GABRD: variants seen among roughly 807,000 people sequenced by gnomAD.
GABRD encodes gamma-aminobutyric acid type A receptor subunit delta, also known as gamma-aminobutyric acid receptor subunit delta.
A neutral mutation model predicts 47.3 loss-of-function variants in GABRD; 25 were observed. That is an observed-to-expected ratio of 0.53 (90% CI 0.39 to 0.74). GABRD has a LOEUF of 0.74. Among genes scored for constraint, GABRD ranks in the 30% least tolerant of loss-of-function variants. The probability of loss-of-function intolerance (pLI) is 0.00; values close to 1 mark genes in which losing one functional copy is unlikely to be tolerated. For synonymous variants in GABRD, 314 were observed against 278.8 expected, an observed-to-expected ratio of 1.13 and a Z score of -1.26; for missense variants, 497 against 643.4, an observed-to-expected ratio of 0.77 and a Z score of 2.46.
chr1:2,029,972 C>A lies in GABRD; in HGVS notation c.1060-11C>A. ...TGCTCAGCCCTGTCTCCCCCACCGGCCTTCGTGCAGATGGACGTGAGGAAC... is the reference window on the plus strand; with the variant it reads ...TGCTCAGCCCTGTCTCCCCCACCGGACTTCGTGCAGATGGACGTGAGGAAC... On this transcript the variant is annotated splice_polypyrimidine_tract_variant and intron_variant, in intron 8 of 8. Transcript: ENST00000378585. 6.2e-7 allele frequency: 1 copy of A among 1,612,088 alleles called. No individual in the cohort carries two copies. Among genetic ancestry groups the A allele is most frequent in the Non-Finnish European group, 8.5e-7 (1 of 1,179,554 alleles).
chr1:2,028,993 TA>T lies in GABRD; in HGVS notation c.692-116del. 1 of 1,310,778 alleles carries T rather than the reference TA, an allele frequency of 7.6e-7. No homozygotes were observed. The highest frequency in any genetic ancestry group is 1.0e-6 in the Non-Finnish European group (1 of 961,722). 81.2% of individuals were successfully genotyped at this position (1,310,778 alleles called of 1,614,324 possible). ...GTGGTTGGTGGGGAGGGCAGGGGTC[TA>T]AGTCTCTCTTCTGAGCCCTGGTGGG... On this transcript the variant is annotated intron_variant, in intron 6 of 8. Transcript: ENST00000378585. The surrounding 1 kb of genome is among the most constrained non-coding windows in gnomAD (Gnocchi z 6.4).
intron 4 of GABRD, among the ~76,000 whole-genome samples, chr1:2,026,335 CCTT>C (rs1342740390): frequency 3.0e-4 from 45 of 152,224 alleles, no homozygotes; most frequent in East Asian, 5.8e-4. Context: ...GTCAGGGGCG[CCTT>C]CTTCTTCATG....
rs1659008425 is a variant in GABRD at position 2,029,000 on chromosome 1, C to T, written c.692-111C>T. ...GTGGGGAGGGCAGGGGTCTAAGTCTCTCTTCTGAGCCCTGGTGGGCCCCGT... is the reference window on the plus strand; with the variant it reads ...GTGGGGAGGGCAGGGGTCTAAGTCTTTCTTCTGAGCCCTGGTGGGCCCCGT... On this transcript the variant is annotated intron_variant, in intron 6 of 8. Transcript: ENST00000378585. The surrounding 1 kb of genome is among the most constrained non-coding windows in gnomAD (Gnocchi z 6.4). 3 of 1,373,960 alleles carry T rather than the reference C, an allele frequency of 2.2e-6. No homozygotes were observed. Among genetic ancestry groups the T allele is most frequent in the Non-Finnish European group, 9.8e-7 (1 of 1,017,312 alleles). The allele number at this position is 1,373,960 out of a possible 1,614,324, so 85.1% of individuals were successfully genotyped here. A position where few individuals can be genotyped will look rare whatever the true frequency, so the allele number is the denominator to read the frequency against.
At position 2,028,796 on chromosome 1, in the gene GABRD, GAA is replaced by G; in HGVS notation, c.692-313_692-312del. 1 of 426,954 alleles carries G rather than the reference GAA, an allele frequency of 2.3e-6. No homozygotes were observed. Among genetic ancestry groups the G allele is most frequent in the Non-Finnish European group, 4.2e-6 (1 of 238,232 alleles). 26.4% of individuals were successfully genotyped at this position (426,954 alleles called of 1,614,324 possible). On this transcript the variant is annotated intron_variant, in intron 6 of 8. Coordinates refer to ENST00000378585, the MANE Select transcript of GABRD (RefSeq NM_000815.5). This position sits in a 1 kb window ranked among gnomAD's most constrained non-coding sequence, Gnocchi z 6.4. ...CTGTGCCCGCAGGAGTGTTAGGAGA[GAA>G]AGGGGTGAGCCCTCCCCATTGGTTG...
chr1:2,022,972 G>A (rs1658820492), intron 1 of GABRD, among the ~76,000 whole-genome samples: 1 of 152,170 alleles, frequency 6.6e-6, no homozygotes, highest in African/African-American at 2.4e-5. Flanking sequence ...TGATGGAAAG[G>A]GAGAGGGCCT....
rs376701444 is a variant in GABRD at position 2,025,613 on chromosome 1, C to T, written c.345C>T (p.Phe115=). 58 of 1,613,004 alleles carry T rather than the reference C, an allele frequency of 3.6e-5. No individual in the cohort carries two copies. The highest frequency in any genetic ancestry group is 3.3e-4 in the Middle Eastern group (2 of 6,084). Residue 115 remains phenylalanine, a synonymous_variant, in exon 4 of 9, where the codon TTC becomes TTT. Coordinates refer to ENST00000378585, the MANE Select transcript of GABRD (RefSeq NM_000815.5). Reference sequence around the variant, plus strand: ...AGACCCTGGGTCTGGACAGCCGCTTCGTGGACAAGCTGTGGCTGCCCGACA... The same window carrying T: ...AGACCCTGGGTCTGGACAGCCGCTTTGTGGACAAGCTGTGGCTGCCCGACA... The part of the protein sequence containing the change: ...TNETLGLDSR[F]VDKLWLPDTF...
Position 2,029,582 on chromosome 1 carries a change from C to T in GABRD, c.879C>T (p.Leu293=), listed in dbSNP as rs1446859856. The change falls in exon 8 of 9, where the codon CTC becomes CTT. Residue 293 remains leucine, a synonymous_variant. Coordinates refer to ENST00000378585, the MANE Select transcript of GABRD (RefSeq NM_000815.5). ...CCACGGTGCTGACGATGACCACGCT[C>T]ATGGTCAGTGCCCGCTCCTCCCTGC... ...GITTVLTMTT[L]MVSARSSLPR... is the part of the protein sequence containing the mutation. 4 of 1,613,058 alleles carry T rather than the reference C, an allele frequency of 2.5e-6. No individual in the cohort carries two copies. The highest frequency in any genetic ancestry group is 2.2e-5 in the East Asian group (1 of 44,874).
In GABRD at chr1:2,030,468, G is replaced by C; in HGVS notation, c.*186G>C. On this transcript the variant is annotated 3_prime_UTR_variant, in exon 9 of 9. Transcript: ENST00000378585. ...CTCTGACCCCAGCCTCACCCGAAAGGCCAGCCTGGGGCTCTCCGGCAGGCA... is the reference window on the plus strand; with the variant it reads ...CTCTGACCCCAGCCTCACCCGAAAGCCCAGCCTGGGGCTCTCCGGCAGGCA... The C allele has an allele frequency of 2.1e-6, 1 of 487,088 alleles. No homozygotes were observed. Among genetic ancestry groups the C allele is most frequent in the South Asian group, 4.7e-5 (1 of 21,250 alleles). The allele number at this position is 487,088 out of a possible 1,614,324, so 30.2% of individuals were successfully genotyped here.
intron 4 of GABRD, 51 bp from the exon 5 acceptor site, chr1:2,027,526 G>C: frequency 6.7e-7 from 1 of 1,498,340 alleles, no homozygotes; most frequent in Non-Finnish European, 9.2e-7. Flanking sequence ...CCAGGCTTTC[G>C]GGAGGGCTGG....
At chr1:2,029,840 T>C (rs1236518303) in intron 8 of GABRD, 78 bp downstream of exon 8, 6 of 1,516,862 alleles carry the variant, frequency 4.0e-6, no homozygotes, top group Non-Finnish European at 5.5e-6. Context: ...CAGCCCACTG[T>C]GGGTCCCAGC....
rs200391871 is a variant in GABRD, at chr1:2,029,595, C to T, written c.892C>T (p.Arg298Cys). The T allele has an allele frequency of 5.0e-6, 8 of 1,613,116 alleles. No homozygotes were observed. Among genetic ancestry groups the T allele is most frequent in the Middle Eastern group, 1.7e-4 (1 of 6,060 alleles). The part of the protein sequence containing the change: ...LTMTTLMVSA[R>C]SSLPRASAIK... ...GATGACCACGCTCATGGTCAGTGCC[C>T]GCTCCTCCCTGCCACGGGCATCAGC... is the stretch of plus-strand genomic sequence containing the variant. The change falls in exon 8 of 9, where the codon CGC becomes TGC. Residue 298 changes from arginine (R) to cysteine (C), a missense_variant. Arg to Cys is a radical substitution (Grantham distance 180). Around this residue, in one of 3 missense-constraint regions of GABRD, gnomAD observed 285 missense variants for 436.6 expected, o/e 0.65. Coordinates refer to ENST00000378585, the MANE Select transcript of GABRD (RefSeq NM_000815.5).
Position 2,030,325 on chromosome 1 carries a change from G to A in GABRD, c.*43G>A. 1 of 1,464,076 alleles carries A rather than the reference G, an allele frequency of 6.8e-7. No individual in the cohort carries two copies. The highest frequency in any genetic ancestry group is 9.1e-7 in the Non-Finnish European group (1 of 1,104,516). 90.7% of individuals were successfully genotyped at this position (1,464,076 alleles called of 1,614,324 possible). On this transcript the variant is annotated 3_prime_UTR_variant, in exon 9 of 9. Coordinates refer to ENST00000378585, the MANE Select transcript of GABRD (RefSeq NM_000815.5). ...CCCTCGCTTGTCCTGGCGCCCGGCGGCAGCTGCCCAGAAACTTCCTGGGAG... is the reference window on the plus strand; with the variant it reads ...CCCTCGCTTGTCCTGGCGCCCGGCGACAGCTGCCCAGAAACTTCCTGGGAG...
At position 2,025,653 on chromosome 1, in the gene GABRD, G is replaced by T; in HGVS notation, c.385G>T (p.Ala129Ser). The stretch of plus-strand genomic sequence containing the variant: ...GCTGCCCGACACCTTCATCGTGAAC[G>T]CCAAGTCGGCCTGGTTCCACGACGT... ...LWLPDTFIVN[A>S]KSAWFHDVTV... The change falls in exon 4 of 9, where the codon GCC becomes TCC. Residue 129 changes from alanine (A) to serine (S), a missense_variant. This residue lies in a region of GABRD where 285 missense variants were observed against 436.6 expected (regional missense o/e 0.65). Coordinates refer to ENST00000378585, the MANE Select transcript of GABRD (RefSeq NM_000815.5). 1 of 1,613,034 alleles carries T rather than the reference G, an allele frequency of 6.2e-7. No individual in the cohort carries two copies. Among genetic ancestry groups the T allele is most frequent in the Non-Finnish European group, 8.5e-7 (1 of 1,180,016 alleles).
Position 2,030,476 on chromosome 1 carries a change from G to A in GABRD, c.*194G>A. 2.2e-6 allele frequency: 1 copy of A among 451,394 alleles called. No homozygotes were observed. The highest frequency in any genetic ancestry group is 3.8e-6 in the Non-Finnish European group (1 of 261,606). 28.0% of individuals were successfully genotyped at this position (451,394 alleles called of 1,614,324 possible). On this transcript the variant is annotated 3_prime_UTR_variant, in exon 9 of 9. Coordinates refer to ENST00000378585, the MANE Select transcript of GABRD (RefSeq NM_000815.5). ...CCAGCCTCACCCGAAAGGCCAGCCTGGGGCTCTCCGGCAGGCAGCCCGAGA... is the reference window on the plus strand; with the variant it reads ...CCAGCCTCACCCGAAAGGCCAGCCTAGGGCTCTCCGGCAGGCAGCCCGAGA...
chr1:2,021,086 G>A (rs1480105904), intron 1 of GABRD, among the ~76,000 whole-genome samples: 1 of 152,220 alleles, frequency 6.6e-6, no homozygotes, highest in Non-Finnish European at 1.5e-5. Context: ...AGGAGTGGGG[G>A]GCCTCTGGGC....
intron 1 of GABRD, among the ~76,000 whole-genome samples, chr1:2,021,466 G>A (rs1658775820): frequency 6.6e-6 from 1 of 152,188 alleles, no homozygotes; most frequent in South Asian, 2.1e-4. Flanking sequence ...CGGGGTCCTT[G>A]TCCTGGAGCT....
Position 2,030,114 on chromosome 1 carries a change from G to T in GABRD, c.1191G>T (p.Glu397Asp). Residue 397 changes from glutamate to aspartate, a missense_variant, in exon 9 of 9, where the codon GAG becomes GAT. By Grantham distance (45) the Glu-to-Asp change is conservative. Coordinates refer to ENST00000378585, the MANE Select transcript of GABRD (RefSeq NM_000815.5). ...LMGSYRSVGVETGETKKEGAA... is the reference protein window; with the variant it reads ...LMGSYRSVGVDTGETKKEGAA... ...GCTCCTACAGGTCGGTGGGGGTGGA[G>T]ACAGGGGAGACGAAGAAGGAGGGGG... is the stretch of plus-strand genomic sequence containing the variant. 3 of 1,585,126 alleles carry T rather than the reference G, an allele frequency of 1.9e-6. No individual in the cohort carries two copies. The highest frequency in any genetic ancestry group is 1.8e-5 in the Admixed American group (1 of 56,276).
chr1:2,029,399 G>A, intron 7 of GABRD, 133 bp downstream of exon 7: 13 of 1,396,294 alleles, frequency 9.3e-6, no homozygotes, highest in Non-Finnish European at 1.3e-5. Flanking sequence ...GGCCAGCCGG[G>A]CCAGGCCAGG....
rs377614948 is a variant in GABRD, at chr1:2,028,343, C to T, written c.691+51C>T. 3,280 of 1,530,686 alleles carry T rather than the reference C, an allele frequency of 2.1e-3. 23 individuals carry two copies. The African/African-American group carries it at 0.022, about 10-fold the overall frequency. 94.8% of individuals were successfully genotyped at this position (1,530,686 alleles called of 1,614,324 possible). A position where few individuals can be genotyped will look rare whatever the true frequency, so the allele number is the denominator to read the frequency against. On this transcript the variant is annotated intron_variant, in intron 6 of 8. Coordinates refer to ENST00000378585, the MANE Select transcript of GABRD (RefSeq NM_000815.5). The surrounding 1 kb of genome is among the most constrained non-coding windows in gnomAD (Gnocchi z 6.4). ...GCATGTGCCCGCCGCCCCTTCCGCGCGCGCCCACCGCCCCTTCCGCGCGCG... is the reference window on the plus strand; with the variant it reads ...GCATGTGCCCGCCGCCCCTTCCGCGTGCGCCCACCGCCCCTTCCGCGCGCG...
Sources: allele counts gnomAD v4.1 joint callset (sites outside exome capture counted in the v4.1 genomes callset), GRCh38; gene constraint gnomAD v4.1.1; regional missense constraint gnomAD v4.1.1; non-coding constraint Gnocchi (gnomAD v3.1); transcripts MANE v1.5; gene names NCBI Gene and HGNC (gene_info 2026-07-23, HGNC 2026-07-21).